The following ADAMTS19 variants were observed in gnomAD, a reference collection of about 807,000 sequenced individuals.
ADAMTS19 encodes A disintegrin and metalloproteinase with thrombospondin motifs 19.
In ADAMTS19, 93 loss-of-function variants were observed where a neutral mutation model predicts 153.3. That is an observed-to-expected ratio of 0.61 (90% CI 0.51 to 0.72). The LOEUF is 0.72. ADAMTS19 is among the 30% of genes least tolerant of loss of function. The probability of loss-of-function intolerance (pLI) is 0.00; values close to 1 mark genes in which losing one functional copy is unlikely to be tolerated. For synonymous variants in ADAMTS19, 600 were observed against 556.6 expected (o/e 1.08, Z -1.10); for missense variants, 1,482 against 1,552.1 (o/e 0.95, Z 0.76).
intron 7 of ADAMTS19, among the ~76,000 whole-genome samples, chr5:129,557,572 C>A (rs1294155906): frequency 1.3e-5 from 2 of 152,108 alleles, no homozygotes; most frequent in Admixed American, 6.6e-5. Context: ...GCACTCCAGC[C>A]TTGGCAACAG....
At chr5:129,684,730 G>A (rs1300354216) in intron 18 of ADAMTS19, among the ~76,000 whole-genome samples, 2 of 151,850 alleles carry the variant, frequency 1.3e-5, no homozygotes, top group South Asian at 2.1e-4. Flanking sequence ...GCTCACGCCT[G>A]TAATCCCAGC....
chr5:129,489,212 T>TA (rs763361427), intron 2 of ADAMTS19, among the ~76,000 whole-genome samples: 2 of 152,168 alleles, frequency 1.3e-5, no homozygotes, highest in Non-Finnish European at 2.9e-5. Context: ...TAATAGTAGA[T>TA]AGTATGTGTT....
intron 2 of ADAMTS19, among the ~76,000 whole-genome samples, chr5:129,499,634 T>C (rs1386576365): frequency 1.3e-5 from 2 of 152,120 alleles, no homozygotes; most frequent in Non-Finnish European, 2.9e-5. Flanking sequence ...AAGTAAAATA[T>C]GACTGTGTTG....
intron 21 of ADAMTS19, among the ~76,000 whole-genome samples, chr5:129,729,645 A>T (rs1757353250): frequency 6.6e-6 from 1 of 152,040 alleles, no homozygotes; most frequent in Non-Finnish European, 1.5e-5. Flanking sequence ...GTTATGCCCA[A>T]ATAGTTACAA....
At chr5:129,637,501 C>A (rs1752583495) in intron 10 of ADAMTS19, among the ~76,000 whole-genome samples, 1 of 152,146 alleles carries the variant, frequency 6.6e-6, no homozygotes, top group South Asian at 2.1e-4. Flanking sequence ...TGTGCAGGGA[C>A]ATGGATAGAG....
At chr5:129,540,473 A>G (rs1424928260) in intron 6 of ADAMTS19, among the ~76,000 whole-genome samples, 5 of 152,080 alleles carry the variant, frequency 3.3e-5, no homozygotes, top group Admixed American at 2.0e-4. Flanking sequence ...GAGAAGGCAT[A>G]TATCTTTATG....
At chr5:129,602,431 T>C (rs1038903003) in intron 8 of ADAMTS19, among the ~76,000 whole-genome samples, 6 of 152,300 alleles carry the variant, frequency 3.9e-5, no homozygotes, top group Middle Eastern at 3.4e-3. Context: ...TTATATTGAG[T>C]TGCCAAAGGG....
rs145251996 is a variant in ADAMTS19 at position 129,522,782 on chromosome 5, A to G, written c.914-3502A>G. ...AAGAATCCAAGAGATAAGGCTGGGA[A>G]CAGTGGCTCACACCTGTTATCCTAG... On this transcript the variant is annotated intron_variant, in intron 3 of 22. Coordinates refer to ENST00000274487, the MANE Select transcript of ADAMTS19 (RefSeq NM_133638.6). Among the ~76,000 whole-genome samples, 747 of 152,170 alleles carry G rather than the reference A, an allele frequency of 4.9e-3. 4 individuals carry two copies. Among genetic ancestry groups the G allele is most frequent in the Non-Finnish European group, 6.8e-3 (461 of 67,996 alleles).
chr5:129,693,830 G>A (rs935635713), intron 18 of ADAMTS19, among the ~76,000 whole-genome samples: 40 of 152,276 alleles, frequency 2.6e-4, no homozygotes, highest in African/African-American at 8.9e-4. Flanking sequence ...TCTGGTAAAA[G>A]ATGGTAAGAG....
chr5:129,522,689 C>T (rs930634263), intron 3 of ADAMTS19, among the ~76,000 whole-genome samples: 1 of 151,790 alleles, frequency 6.6e-6, no homozygotes, highest in Admixed American at 6.6e-5. Flanking sequence ...TGGTGGGATC[C>T]GGTTCTTATT....
chr5:129,548,652 T>C (rs1237196906), intron 6 of ADAMTS19, among the ~76,000 whole-genome samples: 2 of 151,826 alleles, frequency 1.3e-5, no homozygotes, highest in African/African-American at 2.4e-5. Context: ...GAAATACCAT[T>C]TGACCCAGCC....
In ADAMTS19 at chr5:129,689,571, C is replaced by A. The variant is rs113979192; in HGVS notation, c.2819-5149C>A. On this transcript the variant is annotated intron_variant, in intron 18 of 22. Coordinates refer to ENST00000274487, the MANE Select transcript of ADAMTS19 (RefSeq NM_133638.6). ...TCCCAAGTAGCTAGGATTACAGGCA[C>A]ACACCACCACACCCAGCTAATTTTT... Among the ~76,000 whole-genome samples the A allele has an allele frequency of 7.8e-3, 1,185 of 151,962 alleles. 16 individuals carry two copies. Among genetic ancestry groups the A allele is most frequent in the African/African-American group, 0.027 (1,137 of 41,434 alleles).
At chr5:129,573,055 G>A (rs62398985) in intron 7 of ADAMTS19, among the ~76,000 whole-genome samples, 9,257 of 152,046 alleles carry the variant, frequency 0.061, 419 homozygotes, top group Non-Finnish European at 0.088. Flanking sequence ...AATCTATAGG[G>A]CCTACAGGGG....
chr5:129,461,108 A>T lies in ADAMTS19; in HGVS notation c.98A>T (p.Gln33Leu), dbSNP rs771880095. Residue 33 changes from glutamine (Q) to leucine (L), a missense_variant, in exon 2 of 23, where the codon CAG (glutamine) becomes CTG (leucine). Gln to Leu is a moderately radical substitution (Grantham distance 113). Around this residue, in one of 2 missense-constraint regions of ADAMTS19, gnomAD observed 866 missense variants for 827.7 expected, o/e 1.05. Coordinates refer to ENST00000274487, the MANE Select transcript of ADAMTS19 (RefSeq NM_133638.6). This position sits in a 1 kb window ranked among gnomAD's most constrained non-coding sequence, Gnocchi z 4.6. ...FLSNGIVSEL[Q>L]FAPDREEWEV... ...CTGTCTGCCCCGCCCGCAGAGCTGC[A>T]GTTCGCCCCCGACCGCGAGGAGTGG... 1.7e-4 allele frequency: 239 copies of T among 1,412,910 alleles called. No homozygotes were observed. Among genetic ancestry groups the T allele is most frequent in the Non-Finnish European group, 2.2e-4 (235 of 1,082,990 alleles). The allele number at this position is 1,412,910 out of a possible 1,614,324, so 87.5% of individuals were successfully genotyped here.
Position 129,696,880 on chromosome 5 carries a change from T to C in ADAMTS19, c.2954+2025T>C, listed in dbSNP as rs1052191578. On this transcript the variant is annotated intron_variant, in intron 19 of 22. Coordinates refer to ENST00000274487, the MANE Select transcript of ADAMTS19 (RefSeq NM_133638.6). ...TTCATATTATGTAGATGAAGTCTCA[T>C]AGGTGGCTGACCTCCAGGGGCAACA... 2.6e-5 allele frequency among the ~76,000 whole-genome samples: 4 copies of C among 152,258 alleles called. No homozygotes were observed. The South Asian group carries it at 8.3e-4, about 32-fold the overall frequency.
chr5:129,708,590 CAAAAAAAAAAA>C (rs1174701520), intron 21 of ADAMTS19, among the ~76,000 whole-genome samples: 4 of 61,820 alleles, frequency 6.5e-5, no homozygotes, highest in African/African-American at 2.4e-4. Context: ...AGCAGAGAAG[CAAAAAAAAAAA>C]AAAAAAAAAA....
chr5:129,616,239 AC>A (rs1581150042), intron 8 of ADAMTS19, among the ~76,000 whole-genome samples: 1 of 152,036 alleles, frequency 6.6e-6, no homozygotes, highest in Non-Finnish European at 1.5e-5. Context: ...TAGATATACC[AC>A]TGAATTCTAA....
Position 129,577,809 on chromosome 5 carries a change from A to G in ADAMTS19, c.1373-18750A>G, listed in dbSNP as rs562805498. On this transcript the variant is annotated intron_variant, in intron 7 of 22. Transcript: ENST00000274487. ...GTTATATTGCCTTGATATCTTTAAG[A>G]ATTGTAGAGATGTTTCCTTATTTAT... Among the ~76,000 whole-genome samples the G allele has an allele frequency of 9.2e-5, 14 of 152,010 alleles. No homozygotes were observed. In the South Asian group the frequency reaches 2.9e-3, roughly 32 times the overall value.
intron 2 of ADAMTS19, among the ~76,000 whole-genome samples, chr5:129,469,641 G>A (rs1003473530): frequency 6.6e-6 from 1 of 152,172 alleles, no homozygotes; most frequent in African/African-American, 2.4e-5. Context: ...TAATGGACTA[G>A]TTGTATCTAT....
Sources: allele counts gnomAD v4.1 joint callset (sites outside exome capture counted in the v4.1 genomes callset), GRCh38; gene constraint gnomAD v4.1.1; regional missense constraint gnomAD v4.1.1; non-coding constraint Gnocchi (gnomAD v3.1); transcripts MANE v1.5; gene names NCBI Gene and HGNC (gene_info 2026-07-23, HGNC 2026-07-21).